Variants in SATB2 observed in about 807,000 individuals in gnomAD.
SATB2 encodes the protein SATB homeobox 2.
SATB2 carries 1 observed loss-of-function variant against 73.4 expected under a neutral mutation model. The observed-to-expected ratio is 0.01, with a 90% CI of 0.00 to 0.06. SATB2 has a LOEUF of 0.06. Among genes scored for constraint, SATB2 ranks in the 10% least tolerant of loss-of-function variants. SATB2 has a pLI of 1.00. For synonymous variants in SATB2, 397 were observed against 367.0 expected (o/e 1.08, Z -0.93); for missense variants, 459 against 945.8 (o/e 0.49, Z 6.75).
At chr2:199,299,815 T>C (rs1687228665) in intron 10 of SATB2, among the ~76,000 whole-genome samples, 1 of 152,136 alleles carries the variant, frequency 6.6e-6, no homozygotes. Flanking sequence ...ATCATTTTTT[T>C]CCAAAAGCCA....
At chr2:199,424,449 T>C (rs574917225) in intron 3 of SATB2, among the ~76,000 whole-genome samples, 2 of 152,342 alleles carry the variant, frequency 1.3e-5, no homozygotes, top group South Asian at 2.1e-4. Context: ...GTCCCACTTA[T>C]ATGCTAAGCT....
chr2:199,456,446 G>A (rs1252552030), intron 1 of SATB2, among the ~76,000 whole-genome samples: 4 of 152,258 alleles, frequency 2.6e-5, no homozygotes, highest in Non-Finnish European at 4.4e-5. Context: ...CCCGTCCCGG[G>A]GTCAGGGTTG....
intron 3 of SATB2, among the ~76,000 whole-genome samples, chr2:199,419,739 G>T (rs1691108688): frequency 6.6e-6 from 1 of 152,062 alleles, no homozygotes; most frequent in African/African-American, 2.4e-5. Context: ...CATGTCATAG[G>T]TATTTCAGAA....
intron 3 of SATB2, among the ~76,000 whole-genome samples, chr2:199,422,213 A>G (rs1168240123): frequency 1.3e-5 from 2 of 152,094 alleles, no homozygotes; most frequent in African/African-American, 4.8e-5. Flanking sequence ...AACTATAACC[A>G]AAGGGAAGCA....
rs866469375 is a variant in SATB2, at chr2:199,280,867, A to G, written c.1741-8195T>C. Among the ~76,000 whole-genome samples, 10 of 152,196 alleles carry G rather than the reference A, an allele frequency of 6.6e-5. No homozygotes were observed. In the Middle Eastern group the frequency reaches 0.02, roughly 311 times the overall value. On this transcript the variant is annotated intron_variant, in intron 10 of 10. Coordinates refer to ENST00000417098, the MANE Select transcript of SATB2 (RefSeq NM_001172509.2). ...TCCATTTACCTTGTGATATCTTATT[A>G]CCTTGTGAAGCATGTGCTCTCTGTG... is the stretch of plus-strand genomic sequence containing the variant.
upstream of SATB2, among the ~76,000 whole-genome samples, chr2:199,469,339 C>G (rs1390862316): frequency 6.6e-6 from 1 of 152,132 alleles, no homozygotes; most frequent in African/African-American, 2.4e-5. Flanking sequence ...TCTTCCCGCC[C>G]GTCGTCTGCG....
chr2:199,458,498 G>A (rs1311816398), upstream of SATB2: 1 of 381,386 alleles, frequency 2.6e-6, no homozygotes, highest in Non-Finnish European at 5.1e-6. Flanking sequence ...GTGCGTCTGG[G>A]CGCAGGCGGG....
At chr2:199,274,360 GA>G (rs111468710) in intron 10 of SATB2, among the ~76,000 whole-genome samples, 3,851 of 144,664 alleles carry the variant, frequency 0.027, 164 homozygotes, top group African/African-American at 0.088. Context: ...AAGCATTTAA[GA>G]AAAAAAAAAA....
intron 5 of SATB2, among the ~76,000 whole-genome samples, chr2:199,371,543 A>C (rs1481784867): frequency 6.6e-6 from 1 of 152,180 alleles, no homozygotes; most frequent in African/African-American, 2.4e-5. Context: ...TAAACCTGAT[A>C]AGATACAGTT....
chr2:199,415,288 C>T lies in SATB2; in HGVS notation c.346+18050G>A, dbSNP rs1354474488. ...GTTATCTGACCAGTGGCCATGGTCT[C>T]AAAGAAATAACCATTCAAAATGACT... On this transcript the variant is annotated intron_variant, in intron 3 of 10. Coordinates refer to ENST00000417098, the MANE Select transcript of SATB2 (RefSeq NM_001172509.2). Among the ~76,000 whole-genome samples, 4 of 152,064 alleles carry T rather than the reference C, an allele frequency of 2.6e-5. No homozygotes were observed. The East Asian group carries it at 7.7e-4, about 29-fold the overall frequency.
chr2:199,432,779 AAAT>A (rs529084228), intron 3 of SATB2, among the ~76,000 whole-genome samples: 2 of 152,352 alleles, frequency 1.3e-5, no homozygotes, highest in African/African-American at 4.8e-5. Flanking sequence ...ATACGCACTG[AAAT>A]AATGATGCAA....
intron 5 of SATB2, among the ~76,000 whole-genome samples, chr2:199,375,350 A>G (rs1689569292): frequency 1.3e-5 from 2 of 152,230 alleles, no homozygotes; most frequent in South Asian, 4.1e-4. Flanking sequence ...AAGAGGTGCC[A>G]GCACTTAAAC....
chr2:199,285,936 T>C (rs1310447803), intron 10 of SATB2, among the ~76,000 whole-genome samples: 1 of 151,556 alleles, frequency 6.6e-6, no homozygotes, highest in Non-Finnish European at 1.5e-5. Flanking sequence ...CTGTGTATGT[T>C]TTTAATGCAG....
intron 7 of SATB2, among the ~76,000 whole-genome samples, chr2:199,337,723 C>T (rs1049274304): frequency 1.3e-5 from 2 of 152,102 alleles, no homozygotes; most frequent in Non-Finnish European, 2.9e-5. Context: ...ATTTTAGACA[C>T]AGAACTGTAT....
At chr2:199,458,804 T>TTCCCGGTGCCTGCGAGCTC (rs1487246357), upstream of SATB2, 5 of 354,040 alleles carry the variant, frequency 1.4e-5, no homozygotes, top group African/African-American at 1.1e-4. Context: ...CGAGCAACTT[T>TTCCCGGTGCCTGCGAGCTC]TCCCGGTGCC....
At chr2:199,386,695 A>T (rs56318888) in intron 3 of SATB2, among the ~76,000 whole-genome samples, 13 of 2,046 alleles carry the variant, frequency 6.4e-3, no homozygotes, top group South Asian at 0.018. Flanking sequence ...CACGTGCGCA[A>T]GCGCGCGCGC....
At chr2:199,283,018 T>C (rs1431772824) in intron 10 of SATB2, among the ~76,000 whole-genome samples, 2 of 152,082 alleles carry the variant, frequency 1.3e-5, no homozygotes, top group Non-Finnish European at 2.9e-5. Flanking sequence ...GTCCATGCAA[T>C]AGGCCCATGC....
chr2:199,298,568 T>C (rs146851687), intron 10 of SATB2, among the ~76,000 whole-genome samples: 2 of 152,324 alleles, frequency 1.3e-5, no homozygotes, highest in Admixed American at 6.5e-5. Flanking sequence ...TTAGTATGTA[T>C]TTGTAGATCG....
chr2:199,328,415 C>T (rs1403194652), intron 8 of SATB2, among the ~76,000 whole-genome samples: 1 of 152,030 alleles, frequency 6.6e-6, no homozygotes, highest in African/African-American at 2.4e-5. Context: ...GTGGTTGGTG[C>T]CTCTAATGCC....
Sources: gnomAD v4.1 joint callset for allele counts (sites outside exome capture counted in the v4.1 genomes callset) on GRCh38, gnomAD v4.1.1 for gene constraint, MANE v1.5 for transcripts, NCBI Gene and HGNC (gene_info 2026-07-23, HGNC 2026-07-21) for gene names.